Variants in DISC1 observed in about 807,000 individuals in gnomAD.
The protein encoded by DISC1 is DISC1 scaffold protein.
Under a neutral mutation model 84.5 loss-of-function variants are expected in DISC1, and 57 were observed. The ratio of observed to expected loss-of-function variants is 0.67; its 90% CI spans 0.55 to 0.84. DISC1 has a LOEUF of 0.84. Among genes scored for constraint, DISC1 ranks in the 40% least tolerant of loss-of-function variants. The probability of loss-of-function intolerance (pLI) is 0.00; values close to 1 mark genes in which losing one functional copy is unlikely to be tolerated. For synonymous variants in DISC1, 411 were observed against 415.2 expected, an observed-to-expected ratio of 0.99 and a Z score of 0.12; for missense variants, 1,000 against 1,057.8, an observed-to-expected ratio of 0.95 and a Z score of 0.76.
At chr1:231,711,865 AC>A (rs1433112032) in intron 3 of DISC1, among the ~76,000 whole-genome samples, 2 of 152,102 alleles carry the variant, frequency 1.3e-5, no homozygotes, top group Non-Finnish European at 2.9e-5. Context: ...GCTGAATGAT[AC>A]CCATCCCTCC....
chr1:231,951,188 C>A (rs1035109557), intron 9 of DISC1, among the ~76,000 whole-genome samples: 2 of 152,174 alleles, frequency 1.3e-5, no homozygotes, highest in African/African-American at 2.4e-5. Flanking sequence ...TTCTCACTCG[C>A]GTTACTCAAA....
At position 231,811,858 on chromosome 1, in the gene DISC1, G is replaced by T. The variant is rs1008979636; in HGVS notation, c.1793-6471G>T. On this transcript the variant is annotated intron_variant, in intron 8 of 12. Transcript: ENST00000439617. The stretch of plus-strand genomic sequence containing the variant: ...TCTGAAACTCTGTGACCTTCACAAG[G>T]TTACCTCTGGGTCTAGATTTTTTAA... Among the ~76,000 whole-genome samples the T allele has an allele frequency of 3.9e-5, 6 of 152,172 alleles. No homozygotes were observed. The East Asian group carries it at 9.6e-4, about 24-fold the overall frequency.
intron 8 of DISC1, among the ~76,000 whole-genome samples, chr1:231,812,147 CT>C (rs2080365824): frequency 6.6e-6 from 1 of 152,074 alleles, no homozygotes. Flanking sequence ...CCTCAAGCTC[CT>C]GGGCTCAAGT....
rs118158962 is a variant in DISC1 at position 231,707,905 on chromosome 1, C to T, written c.1117+5881C>T. On this transcript the variant is annotated intron_variant, in intron 3 of 12. Coordinates refer to ENST00000439617, the MANE Select transcript of DISC1 (RefSeq NM_018662.3). The stretch of plus-strand genomic sequence containing the variant: ...TCTGCAATCCTGAAAAATCACAGTC[C>T]TGAAAGATTAAAATCCCACATGCTG... 5.8e-4 allele frequency among the ~76,000 whole-genome samples: 89 copies of T among 152,248 alleles called. No individual in the cohort carries two copies. In the East Asian group the frequency reaches 0.017, roughly 28 times the overall value.
At chr1:231,771,532 T>A (rs183182513) in intron 6 of DISC1, 2 of 985,412 alleles carry the variant, frequency 2.0e-6, no homozygotes, top group East Asian at 2.3e-4. Context: ...GTAGCTAAAA[T>A]GTATTGGGTG....
intron 8 of DISC1, among the ~76,000 whole-genome samples, chr1:231,809,605 T>A (rs961752969): frequency 1.3e-5 from 2 of 151,850 alleles, no homozygotes; most frequent in Non-Finnish European, 2.9e-5. Context: ...CCAAAATGTA[T>A]TCATTGCACA....
chr1:231,701,938 C>T lies in DISC1; in HGVS notation c.1048-17C>T, dbSNP rs1452765983. ...TCTATTGTAATTTTTTATTTTTTCC[C>T]CTTTAAACCAACATAGGTAATATCC... On this transcript the variant is annotated splice_polypyrimidine_tract_variant and intron_variant, in intron 2 of 12. Transcript: ENST00000439617. 11 of 1,579,620 alleles carry T rather than the reference C, an allele frequency of 7.0e-6. No homozygotes were observed. Among genetic ancestry groups the T allele is most frequent in the Non-Finnish European group, 9.5e-6 (11 of 1,161,548 alleles).
intron 3 of DISC1, among the ~76,000 whole-genome samples, chr1:231,713,978 C>A (rs993667758): frequency 6.6e-6 from 1 of 151,170 alleles, no homozygotes; most frequent in Non-Finnish European, 1.5e-5. Flanking sequence ...TCTCTATTTG[C>A]GATTGACATT....
intron 1 of DISC1, among the ~76,000 whole-genome samples, chr1:231,636,173 C>T (rs2125129665): frequency 6.6e-6 from 1 of 152,332 alleles, no homozygotes; most frequent in African/African-American, 2.4e-5. Flanking sequence ...TGCTGCTCTT[C>T]ATTCAGAAAG....
chr1:231,819,222 A>T, intron 9 of DISC1: 1 of 795,302 alleles, frequency 1.3e-6, no homozygotes, highest in Non-Finnish European at 1.5e-6. Flanking sequence ...AGAAATATAT[A>T]TATGAATAAA....
intron 1 of DISC1, chr1:231,685,265 T>A (rs1250458820): frequency 6.6e-6 from 1 of 152,252 alleles, no homozygotes; most frequent in African/African-American, 2.4e-5. Flanking sequence ...ATATGTATAT[T>A]TGTGTACAGA....
At chr1:231,760,717 T>C (rs975081998) in intron 4 of DISC1, among the ~76,000 whole-genome samples, 6 of 152,194 alleles carry the variant, frequency 3.9e-5, no homozygotes, top group Non-Finnish European at 8.8e-5. Context: ...GCAGTTCCGG[T>C]GCAGGATTTT....
At chr1:231,817,937 A>G (rs974981805) in intron 8 of DISC1, among the ~76,000 whole-genome samples, 5 of 152,182 alleles carry the variant, frequency 3.3e-5, no homozygotes, top group Non-Finnish European at 7.3e-5. Context: ...AACTCTGATT[A>G]TATGGCCCAG....
chr1:231,819,708 A>G (rs1398037475), intron 9 of DISC1, among the ~76,000 whole-genome samples: 1 of 152,196 alleles, frequency 6.6e-6, no homozygotes, highest in Non-Finnish European at 1.5e-5. Flanking sequence ...TTACTCTGTC[A>G]TGATAGGAAT....
Position 232,008,837 on chromosome 1 carries a change from C to G in DISC1, c.2095C>G (p.Arg699Gly), listed in dbSNP as rs190975963. ...KVWEADLEAC[R>G]LLIQSLQLQE... is the part of the protein sequence containing the mutation. ...GTGGGAAGCTGACTTGGAAGCTTGTCGATTGCTTATCCAGAGCCTACAGCT... is the reference window on the plus strand; with the variant it reads ...GTGGGAAGCTGACTTGGAAGCTTGTGGATTGCTTATCCAGAGCCTACAGCT... The change falls in exon 11 of 13, where the codon CGA becomes GGA. Residue 699 changes from arginine to glycine, a missense_variant. Around this residue, in one of 3 missense-constraint regions of DISC1, gnomAD observed 397 missense variants for 377.5 expected, o/e 1.05. Coordinates refer to ENST00000439617, the MANE Select transcript of DISC1 (RefSeq NM_018662.3). The G allele has an allele frequency of 4.4e-5, 71 of 1,605,790 alleles. No homozygotes were observed. The East Asian group carries it at 1.1e-3, about 24-fold the overall frequency.
chr1:231,652,352 T>C (rs1007476670), intron 1 of DISC1, among the ~76,000 whole-genome samples: 2 of 152,252 alleles, frequency 1.3e-5, no homozygotes, highest in African/African-American at 4.8e-5. Context: ...GTTATTATCA[T>C]GTTATTTTCT....
intron 3 of DISC1, chr1:231,722,797 CT>C (rs2070004188): frequency 6.9e-7 from 1 of 1,450,694 alleles, no homozygotes; most frequent in Non-Finnish European, 9.0e-7. Flanking sequence ...TGGCCATGGG[CT>C]TGAAAAAAAC....
chr1:231,723,188 G>A, intron 3 of DISC1: 2 of 854,982 alleles, frequency 2.3e-6, no homozygotes, highest in Non-Finnish European at 2.8e-6. Context: ...GGCGAATGCT[G>A]TATTTTTGAT....
chr1:231,677,502 G>A (rs76805086), intron 1 of DISC1, among the ~76,000 whole-genome samples: 226 of 152,292 alleles, frequency 1.5e-3, no homozygotes, highest in African/African-American at 5.0e-3. Flanking sequence ...AGCATTTAAC[G>A]TCACCTGCCA....
Sources: allele counts gnomAD v4.1 joint callset (sites outside exome capture counted in the v4.1 genomes callset), GRCh38; gene constraint gnomAD v4.1.1; regional missense constraint gnomAD v4.1.1; transcripts MANE v1.5; gene names NCBI Gene and HGNC (gene_info 2026-07-23, HGNC 2026-07-21).